MPDZ: variants seen among roughly 807,000 people sequenced by gnomAD.
The protein encoded by MPDZ is multiple PDZ domain crumbs cell polarity complex component.
A neutral mutation model predicts 239.1 loss-of-function variants in MPDZ; 234 were observed. The observed-to-expected ratio is 0.98, with a 90% CI of 0.88 to 1.09. The LOEUF is 1.09. MPDZ is among the 50% of genes least tolerant of loss of function. The probability of loss-of-function intolerance (pLI) is 0.00; values close to 1 mark genes in which losing one functional copy is unlikely to be tolerated. For synonymous variants in MPDZ, 1,048 were observed against 881.3 expected (o/e 1.19, Z -3.35); for missense variants, 3,175 against 2,510.0 (o/e 1.26, Z -5.66).
In MPDZ at chr9:13,165,600, A is replaced by G. The variant is rs1950985444; in HGVS notation, c.3254+2766T>C. ...GCATCTGCTCTTTACTAGTGTCTATAGCAGTGATTATTAACAAGCATGAAA... is the reference window on the plus strand; with the variant it reads ...GCATCTGCTCTTTACTAGTGTCTATGGCAGTGATTATTAACAAGCATGAAA... On this transcript the variant is annotated intron_variant, in intron 22 of 46. Coordinates refer to ENST00000319217, the MANE Select transcript of MPDZ (RefSeq NM_001378778.1). 6.2e-6 allele frequency: 3 copies of G among 484,514 alleles called. No homozygotes were observed. The South Asian group carries it at 1.3e-4, about 21-fold the overall frequency. The allele number at this position is 484,514 out of a possible 1,614,324, so 30.0% of individuals were successfully genotyped here.
intron 12 of MPDZ, among the ~76,000 whole-genome samples, chr9:13,203,844 C>A (rs980743221): frequency 1.3e-5 from 2 of 151,756 alleles, no homozygotes; most frequent in African/African-American, 4.8e-5. Flanking sequence ...GATGGTTCTG[C>A]GCCTTGGAGA....
In MPDZ at chr9:13,126,812, C is replaced by T. The variant is rs369448110; in HGVS notation, c.4465-40G>A. 6 of 1,539,462 alleles carry T rather than the reference C, an allele frequency of 3.9e-6. No homozygotes were observed. In the African/African-American group the frequency reaches 6.8e-5, roughly 17 times the overall value. On this transcript the variant is annotated intron_variant, in intron 32 of 46. Coordinates refer to ENST00000319217, the MANE Select transcript of MPDZ (RefSeq NM_001378778.1). Reference sequence around the variant, plus strand: ...ACAAAAATGCTCAGAAGACTTGAAACAGATTAATTTTATCCAAATGGATAC... The same window carrying T: ...ACAAAAATGCTCAGAAGACTTGAAATAGATTAATTTTATCCAAATGGATAC...
Position 13,150,567 on chromosome 9 carries a change from C to A in MPDZ, c.3574G>T (p.Glu1192Ter), listed in dbSNP as rs1409045256. ...CCATTTTTGCCAGCTGGACTATCTTCCAGAACATGTTTGATGAAAATGCCC... is the reference window on the plus strand; with the variant it reads ...CCATTTTTGCCAGCTGGACTATCTTACAGAACATGTTTGATGAAAATGCCC... Reference protein sequence around the residue: ...MRGIFIKHVLEDSPAGKNGTL... With the variant: ...MRGIFIKHVL The change falls in exon 25 of 47, where the codon GAA (glutamate) becomes TAA (stop). Residue 1192 changes from glutamate (E) to a stop codon, truncating the protein, a stop_gained. Coordinates refer to ENST00000319217, the MANE Select transcript of MPDZ (RefSeq NM_001378778.1). LOFTEE classifies it high-confidence loss of function. 2 of 1,571,536 alleles carry A rather than the reference C, an allele frequency of 1.3e-6. No homozygotes were observed. The highest frequency in any genetic ancestry group is 1.7e-5 in the Admixed American group (1 of 57,166).
chr9:13,183,458 C>T lies in MPDZ; in HGVS notation c.2609G>A (p.Gly870Asp). Residue 870 changes from glycine (G) to aspartate (D), a missense_variant, in exon 19 of 47, where the codon GGC becomes GAC. By Grantham distance (94) the Gly-to-Asp change is moderately conservative (BLOSUM62 -1). Transcript: ENST00000319217. ...TGGAAGGGAAGAACCATAGTTCAGG[C>T]CATCACCACAAGAACTGCCATGAAG... ...LSLHGSSCGDGLNYGSSLPSS... is the reference protein window; with the variant it reads ...LSLHGSSCGDDLNYGSSLPSS... 1 of 1,611,272 alleles carries T rather than the reference C, an allele frequency of 6.2e-7. No individual in the cohort carries two copies. The highest frequency in any genetic ancestry group is 8.5e-7 in the Non-Finnish European group (1 of 1,178,598).
chr9:13,222,335 A>C lies in MPDZ; in HGVS notation c.645T>G (p.Thr215=). ...AGCCTCTGGCAATAACTAGCTGGACAGTATCTTTGGCTTTCTGCAGGATGC... is the reference window on the plus strand; with the variant it reads ...AGCCTCTGGCAATAACTAGCTGGACCGTATCTTTGGCTTTCTGCAGGATGC... ...AISILQKAKD[T]VQLVIARGSL... is the part of the protein sequence containing the mutation. Residue 215 remains threonine (T), a synonymous_variant, in exon 6 of 47, where the codon ACT becomes ACG. Transcript: ENST00000319217. 6.2e-7 allele frequency: 1 copy of C among 1,613,074 alleles called. No individual in the cohort carries two copies. Among genetic ancestry groups the C allele is most frequent in the Non-Finnish European group, 8.5e-7 (1 of 1,179,342 alleles).
chr9:13,187,138 G>A (rs1490103870), intron 17 of MPDZ, among the ~76,000 whole-genome samples: 1 of 152,040 alleles, frequency 6.6e-6, no homozygotes, highest in African/African-American at 2.4e-5. Context: ...AAGAATTATA[G>A]GGGAAAAGAA....
chr9:13,176,854 A>G (rs1473746676), intron 19 of MPDZ, among the ~76,000 whole-genome samples: 1 of 152,140 alleles, frequency 6.6e-6, no homozygotes, highest in Non-Finnish European at 1.5e-5. Context: ...TATGACATTA[A>G]TTGATTTGGA....
intron 22 of MPDZ, among the ~76,000 whole-genome samples, chr9:13,163,035 C>T (rs1950651068): frequency 6.6e-6 from 1 of 151,976 alleles, no homozygotes; most frequent in Admixed American, 6.6e-5. Flanking sequence ...ATGTGTTTAC[C>T]AATCATCATG....
chr9:13,149,870 A>C (rs997861509), intron 25 of MPDZ, among the ~76,000 whole-genome samples: 4 of 152,058 alleles, frequency 2.6e-5, no homozygotes, highest in Non-Finnish European at 5.9e-5. Context: ...TTGATGAATG[A>C]ACACAGCACT....
rs200049739 is a variant in MPDZ, at chr9:13,107,076, G to A, written c.6102C>T (p.Gly2034=). 2.1e-4 allele frequency: 334 copies of A among 1,585,848 alleles called. No individual in the cohort carries two copies. Among genetic ancestry groups the A allele is most frequent in the African/African-American group, 1.8e-3 (133 of 74,700 alleles). ...AASEDGRLKR[G]DQIIAVNGQS... is the part of the protein sequence containing the mutation. ...GCCCATTGACAGCAATGATCTGATC[G>A]CCCCTTTTCAGACGTCCGTCTTCAG... The change falls in exon 47 of 47, where the codon GGC becomes GGT. Residue 2034 remains glycine (G), a synonymous_variant. Coordinates refer to ENST00000319217, the MANE Select transcript of MPDZ (RefSeq NM_001378778.1).
intron 2 of MPDZ, among the ~76,000 whole-genome samples, 166 bp from the exon 3 acceptor site, chr9:13,247,967 C>T (rs1341014392): frequency 2.6e-5 from 4 of 152,136 alleles, no homozygotes; most frequent in Admixed American, 2.6e-4. Context: ...TGGCTCATGC[C>T]TGTAATCCCA....
rs534780274 is a variant in MPDZ at position 13,162,343 on chromosome 9, T to G, written c.3359+348A>C. ...AAATAACATTTCTGAAGAAGTTTGC[T>G]AATATTAAAAGAGTAAAAAAATCAT... On this transcript the variant is annotated intron_variant, in intron 23 of 46. Transcript: ENST00000319217. Among the ~76,000 whole-genome samples the G allele has an allele frequency of 2.6e-5, 4 of 152,096 alleles. No homozygotes were observed. The East Asian group carries it at 7.7e-4, about 29-fold the overall frequency.
chr9:13,217,910 T>C (rs1958567308), intron 8 of MPDZ, among the ~76,000 whole-genome samples: 1 of 151,836 alleles, frequency 6.6e-6, no homozygotes, highest in African/African-American at 2.4e-5. Flanking sequence ...CTCTAATGTG[T>C]AGAGTTGTTA....
rs1297645338 is a variant in MPDZ, at chr9:13,206,045, G to A, written c.1345C>T (p.Arg449Ter). ...AGGAGCACAGTTTGTCCTGTATGTC[G>A]CAATACCTCTACTGCTTGCTGATTA... The part of the protein sequence containing the change: ...FTNQQAVEVL[R>*]HTGQTVLLTL... Residue 449 changes from arginine to a stop codon, truncating the protein, a stop_gained, in exon 11 of 47, where the codon CGA becomes TGA. Transcript: ENST00000319217. LOFTEE classifies it high-confidence loss of function. 14 of 1,610,806 alleles carry A rather than the reference G, an allele frequency of 8.7e-6. No homozygotes were observed. The highest frequency in any genetic ancestry group is 1.7e-5 in the Admixed American group (1 of 59,708).
chr9:13,119,120 T>C (rs1481215828), intron 39 of MPDZ, among the ~76,000 whole-genome samples: 1 of 152,216 alleles, frequency 6.6e-6, no homozygotes, highest in Non-Finnish European at 1.5e-5. Flanking sequence ...GACTTTTTAT[T>C]TATTTTTTTG....
chr9:13,186,333 T>C lies in MPDZ; in HGVS notation c.2418A>G (p.Pro806=). ...GCCCTGCTTCCTCACAGGAGTGTGGTGGGTAGAGAAAGGAATCCTCCTTAG... is the reference window on the plus strand; with the variant it reads ...GCCCTGCTTCCTCACAGGAGTGTGGCGGGTAGAGAAAGGAATCCTCCTTAG... ...VSAKEDSFLY[P]PHSCEEAGLA... Residue 806 remains proline (P), a synonymous_variant, in exon 18 of 47, where the codon CCA becomes CCG. Transcript: ENST00000319217. 2 of 1,594,544 alleles carry C rather than the reference T, an allele frequency of 1.3e-6. No homozygotes were observed. The highest frequency in any genetic ancestry group is 1.7e-6 in the Non-Finnish European group (2 of 1,170,030).
Position 13,183,581 on chromosome 9 carries a change from C to G in MPDZ, c.2486G>C (p.Gly829Ala), listed in dbSNP as rs1230672361. 1 of 1,611,336 alleles carries G rather than the reference C, an allele frequency of 6.2e-7. No homozygotes were observed. Among genetic ancestry groups the G allele is most frequent in the South Asian group, 1.1e-5 (1 of 90,912 alleles). The change falls in exon 19 of 47, where the codon GGC (glycine) becomes GCC (alanine). Residue 829 changes from glycine to alanine, a missense_variant. Coordinates refer to ENST00000319217, the MANE Select transcript of MPDZ (RefSeq NM_001378778.1). ...ATCTACTAAGTCAGCATCATTTGTG[C>G]CCACCTAGAAACAAAACAATAATAT... ...PLFRADLALV[G>A]TNDADLVDES...
chr9:13,156,581 C>T (rs1049310359), intron 24 of MPDZ, among the ~76,000 whole-genome samples: 1 of 152,072 alleles, frequency 6.6e-6, no homozygotes, highest in Non-Finnish European at 1.5e-5. Flanking sequence ...AAGACCTGCC[C>T]CCATATTCAA....
At chr9:13,277,796 C>A (rs989996546) in intron 1 of MPDZ, among the ~76,000 whole-genome samples, 1 of 152,178 alleles carries the variant, frequency 6.6e-6, no homozygotes, top group Non-Finnish European at 1.5e-5. Context: ...AACTCCTGAC[C>A]TTAAGTGATC....
Sources: allele counts gnomAD v4.1 joint callset (sites outside exome capture counted in the v4.1 genomes callset), GRCh38; gene constraint gnomAD v4.1.1; transcripts MANE v1.5; gene names NCBI Gene and HGNC (gene_info 2026-07-23, HGNC 2026-07-21).